The following NRXN3 variants were observed in gnomAD, a reference collection of about 807,000 sequenced individuals.
NRXN3 encodes neurexin 3.
A neutral mutation model predicts 137.6 loss-of-function variants in NRXN3; 32 were observed. That is an observed-to-expected ratio of 0.23 (90% CI 0.18 to 0.31). The LOEUF is 0.31. Among genes scored for constraint, NRXN3 ranks in the 10% least tolerant of loss-of-function variants. The pLI, the probability that NRXN3 is intolerant of heterozygous loss-of-function variation, is 1.00. For synonymous variants in NRXN3, 798 were observed against 784.5 expected, an observed-to-expected ratio of 1.02 and a Z score of -0.29; for missense variants, 1,574 against 2,062.5, an observed-to-expected ratio of 0.76 and a Z score of 4.59.
chr14:78,740,887 AT>A (rs2098565892), intron 8 of NRXN3, among the ~76,000 whole-genome samples: 1 of 152,168 alleles, frequency 6.6e-6, no homozygotes, highest in Non-Finnish European at 1.5e-5. Context: ...TTCAGTAAAC[AT>A]ATAAAATCTT....
intron 15 of NRXN3, among the ~76,000 whole-genome samples, chr14:79,451,333 A>C (rs377664205): frequency 1.3e-5 from 2 of 152,322 alleles, no homozygotes; most frequent in African/African-American, 4.8e-5. Context: ...CATTTTTAAA[A>C]TAGTGGTATG....
chr14:79,062,144 C>A (rs1212014981), intron 15 of NRXN3, among the ~76,000 whole-genome samples: 1 of 152,122 alleles, frequency 6.6e-6, no homozygotes, highest in Non-Finnish European at 1.5e-5. Flanking sequence ...TTCCCCATTA[C>A]CTGCAAAAAC....
intron 15 of NRXN3, among the ~76,000 whole-genome samples, chr14:79,445,387 A>G (rs918447508): frequency 6.6e-6 from 1 of 152,132 alleles, no homozygotes; most frequent in Non-Finnish European, 1.5e-5. Context: ...TATTCACTCA[A>G]TATGATTAAG....
intron 2 of NRXN3, among the ~76,000 whole-genome samples, chr14:78,244,086 A>G (rs2067340160): frequency 6.6e-6 from 1 of 152,116 alleles, no homozygotes; most frequent in Non-Finnish European, 1.5e-5. Context: ...GGCCCCTCTC[A>G]CTGCAGCACC....
In NRXN3 at chr14:78,279,331, T is replaced by C. The variant is rs2074073344; in HGVS notation, c.727+669T>C. On this transcript the variant is annotated intron_variant, in intron 3 of 20. Coordinates refer to ENST00000335750, the MANE Select transcript of NRXN3 (RefSeq NM_001330195.2). ...CCTGGTTTTAAGCATTGCGTGTGTA[T>C]AGACAAATATATATGCACACACACA... 1.3e-5 allele frequency among the ~76,000 whole-genome samples: 2 copies of C among 152,214 alleles called. 1 individual carries two copies. The highest frequency in any genetic ancestry group is 1.3e-4 in the Admixed American group (2 of 15,288).
intron 18 of NRXN3, among the ~76,000 whole-genome samples, chr14:79,695,649 A>C (rs537728912): frequency 3.6e-4 from 54 of 151,816 alleles, no homozygotes; most frequent in Non-Finnish European, 6.3e-4. Flanking sequence ...AAAAAAAAAA[A>C]AAAAAACTGT....
intron 4 of NRXN3, among the ~76,000 whole-genome samples, chr14:78,517,855 C>T (rs1022399026): frequency 2.6e-5 from 4 of 152,172 alleles, no homozygotes; most frequent in Admixed American, 6.5e-5. Flanking sequence ...TGTTCACTGT[C>T]AGTTTAGATT....
At chr14:79,631,385 G>C (rs1027361507) in intron 16 of NRXN3, among the ~76,000 whole-genome samples, 5 of 152,262 alleles carry the variant, frequency 3.3e-5, no homozygotes, top group African/African-American at 1.2e-4. Context: ...TCAGTCCGCC[G>C]CGGCGCTGTG....
chr14:79,002,608 C>T (rs972702767), intron 15 of NRXN3, among the ~76,000 whole-genome samples: 1 of 152,108 alleles, frequency 6.6e-6, no homozygotes, highest in Non-Finnish European at 1.5e-5. Flanking sequence ...TTTCTTTATC[C>T]AGTCTCTCGT....
chr14:78,406,774 C>T (rs935740846), intron 4 of NRXN3, among the ~76,000 whole-genome samples: 1 of 152,144 alleles, frequency 6.6e-6, no homozygotes, highest in Non-Finnish European at 1.5e-5. Flanking sequence ...ATAGCGTCCT[C>T]CTAGACCTCA....
chr14:78,620,378 G>C (rs146712672), intron 4 of NRXN3, among the ~76,000 whole-genome samples: 2 of 152,296 alleles, frequency 1.3e-5, no homozygotes, highest in African/African-American at 2.4e-5. Context: ...TAACCTGCTT[G>C]TACTGTTTCT....
At chr14:79,789,249 G>T (rs1441571294) in intron 19 of NRXN3, among the ~76,000 whole-genome samples, 2 of 152,096 alleles carry the variant, frequency 1.3e-5, no homozygotes, top group Non-Finnish European at 2.9e-5. Context: ...GGAATTTTAG[G>T]ATTCATCCAC....
intron 16 of NRXN3, among the ~76,000 whole-genome samples, chr14:79,523,191 A>G (rs988968562): frequency 1.3e-5 from 2 of 152,164 alleles, no homozygotes; most frequent in African/African-American, 4.8e-5. Flanking sequence ...ATTTTTGGCC[A>G]TCTCTTTAAT....
intron 10 of NRXN3, among the ~76,000 whole-genome samples, chr14:78,831,723 A>G (rs1245616725): frequency 6.6e-6 from 1 of 151,988 alleles, no homozygotes; most frequent in East Asian, 1.9e-4. Context: ...AGCAAAAATC[A>G]ATGTAATTAC....
Position 79,382,435 on chromosome 14 carries a change from C to T in NRXN3, c.3263-84786C>T, listed in dbSNP as rs545825887. ...GATAAGTTGTGCAGATAAGGTCCTG[C>T]TGCTAGGGCTATGTCCAGAAACTAG... On this transcript the variant is annotated intron_variant, in intron 15 of 20. Transcript: ENST00000335750. 2.0e-5 allele frequency among the ~76,000 whole-genome samples: 3 copies of T among 152,244 alleles called. No homozygotes were observed. The South Asian group carries it at 6.2e-4, about 32-fold the overall frequency.
intron 4 of NRXN3, among the ~76,000 whole-genome samples, chr14:78,483,981 TACACACACACACACACACACAC>T (rs71979335): frequency 8.1e-6 from 1 of 123,642 alleles, no homozygotes; most frequent in African/African-American, 3.0e-5. Flanking sequence ...GGGATGCTCT[TACACACACACACACACACACAC>T]ACACACACAC....
At chr14:79,474,234 G>A (rs906631977) in intron 16 of NRXN3, among the ~76,000 whole-genome samples, 5 of 152,070 alleles carry the variant, frequency 3.3e-5, no homozygotes, top group African/African-American at 1.2e-4. Flanking sequence ...ATATTATGTT[G>A]CAGGGTTTTC....
rs544542783 is a variant in NRXN3, at chr14:79,077,863, T to C, written c.3262+89722T>C. On this transcript the variant is annotated intron_variant, in intron 15 of 20. Coordinates refer to ENST00000335750, the MANE Select transcript of NRXN3 (RefSeq NM_001330195.2). Reference sequence around the variant, plus strand: ...ATGAAAACATCTGTCAGGGAGAGTATAGCCCTATTGATCAGGTATATATAA... The same window carrying C: ...ATGAAAACATCTGTCAGGGAGAGTACAGCCCTATTGATCAGGTATATATAA... Among the ~76,000 whole-genome samples the C allele has an allele frequency of 2.0e-5, 3 of 152,260 alleles. No individual in the cohort carries two copies. In the East Asian group the frequency reaches 5.8e-4, roughly 29 times the overall value.
chr14:78,417,365 C>T (rs1414026622), intron 4 of NRXN3, among the ~76,000 whole-genome samples: 2 of 152,216 alleles, frequency 1.3e-5, no homozygotes, highest in Admixed American at 6.5e-5. Context: ...TTTGCCTGGC[C>T]AACTCCTTCT....
Sources: gnomAD v4.1 joint callset for allele counts (sites outside exome capture counted in the v4.1 genomes callset) on GRCh38, gnomAD v4.1.1 for gene constraint, MANE v1.5 for transcripts, NCBI Gene and HGNC (gene_info 2026-07-23, HGNC 2026-07-21) for gene names.